The following SLC4A2 variants were observed in gnomAD, a reference collection of about 807,000 sequenced individuals.
SLC4A2 encodes the protein solute carrier family 4 member 2, also known as anion exchange protein 2.
Under a neutral mutation model 115.0 loss-of-function variants are expected in SLC4A2, and 36 were observed. The observed-to-expected ratio is 0.31, with a 90% CI of 0.24 to 0.41. The LOEUF is 0.41. Among genes scored for constraint, SLC4A2 ranks in the 10% least tolerant of loss-of-function variants. The pLI, the probability that SLC4A2 is intolerant of heterozygous loss-of-function variation, is 1.00. For synonymous variants in SLC4A2, 708 were observed against 708.3 expected (o/e 1.00, Z 0.01); for missense variants, 1,252 against 1,705.6 (o/e 0.73, Z 4.68).
chr7:151,074,340 G>T (rs761189674), intron 17 of SLC4A2, 47 bp downstream of exon 17: 1 of 1,610,432 alleles, frequency 6.2e-7, no homozygotes, highest in South Asian at 1.1e-5. Flanking sequence ...AGGAAGGGGG[G>T]TGGCAGGAAG....
Position 151,064,657 on chromosome 7 carries a change from G to A in SLC4A2, c.349G>A (p.Glu117Lys). The A allele has an allele frequency of 6.2e-7, 1 of 1,613,840 alleles. No homozygotes were observed. The highest frequency in any genetic ancestry group is 8.5e-7 in the Non-Finnish European group (1 of 1,179,858). Residue 117 changes from glutamate to lysine, a missense_variant, in exon 4 of 23, where the codon GAA (glutamate) becomes AAA (lysine). Coordinates refer to ENST00000413384, the MANE Select transcript of SLC4A2 (RefSeq NM_003040.4). ...RRRPGASPTG[E>K]TPTIEEGEED... is the part of the protein sequence containing the mutation. The stretch of plus-strand genomic sequence containing the variant: ...GCGCCCGGGAGCCTCCCCGACTGGA[G>A]AAACCCCGACCATTGAGGAGGGGGA...
rs2229550 is a variant in SLC4A2, at chr7:151,067,978, T to C, written c.1071T>C (p.Thr357=). Residue 357 remains threonine, a synonymous_variant, in exon 8 of 23, where the codon ACT becomes ACC. Coordinates refer to ENST00000413384, the MANE Select transcript of SLC4A2 (RefSeq NM_003040.4). The part of the protein sequence containing the change: ...IKFEEDVEEE[T]ERWGKPHVAS... ...TTGAAGAGGACGTGGAGGAGGAGACTGAGCGCTGGGGGAAGCCCCACGTGG... is the reference window on the plus strand; with the variant it reads ...TTGAAGAGGACGTGGAGGAGGAGACCGAGCGCTGGGGGAAGCCCCACGTGG... 0.84 allele frequency: 1,356,027 copies of C among 1,606,164 alleles called. 573,683 individuals are homozygous for C. Among genetic ancestry groups the C allele is most frequent in the East Asian group, 0.96 (42,709 of 44,384 alleles).
At position 151,070,812 on chromosome 7, in the gene SLC4A2, G is replaced by C. The variant is rs201520307; in HGVS notation, c.1650G>C (p.Pro550=). The change falls in exon 12 of 23, where the codon CCG becomes CCC. Residue 550 remains proline, a synonymous_variant. Transcript: ENST00000413384. ...AVELDAVLEV[P]VPVRFLFLLL... ...AGTTGGACGCAGTGTTGGAGGTGCC[G>C]GTGCCTGTGCGTTTCCTCTTCCTGC... is the stretch of plus-strand genomic sequence containing the variant. 3.1e-6 allele frequency: 5 copies of C among 1,613,990 alleles called. No individual in the cohort carries two copies. The South Asian group carries it at 4.4e-5, about 14-fold the overall frequency.
chr7:151,071,660 A>G lies in SLC4A2; in HGVS notation c.2192-29A>G. The G allele has an allele frequency of 6.2e-7, 1 of 1,611,970 alleles. No individual in the cohort carries two copies. The highest frequency in any genetic ancestry group is 1.1e-5 in the South Asian group (1 of 90,970). On this transcript the variant is annotated intron_variant, in intron 14 of 22. Coordinates refer to ENST00000413384, the MANE Select transcript of SLC4A2 (RefSeq NM_003040.4). This position sits in a 1 kb window ranked among gnomAD's most constrained non-coding sequence, Gnocchi z 5.5. ...GGGGACTGCCCAGGGCCTGGCCACC[A>G]GCTCCTGAGCTGGTTCCTACACCCC... is the stretch of plus-strand genomic sequence containing the variant.
At position 151,062,434 on chromosome 7, in the gene SLC4A2, A is replaced by AGG. The variant is rs1158018872; in HGVS notation, c.51+396_51+397insGG. The AGG allele has an allele frequency of 4.0e-6, 4 of 1,004,280 alleles. No homozygotes were observed. The African/African-American group carries it at 6.5e-5, about 16-fold the overall frequency. 62.2% of individuals were successfully genotyped at this position (1,004,280 alleles called of 1,614,324 possible). Reference sequence around the variant, plus strand: ...CCACGACTGGCCACGCCCCCTGCCCACGTGCCACCCAGGCCCGCCCCTCCC... The same window carrying AGG: ...CCACGACTGGCCACGCCCCCTGCCCAGGCGTGCCACCCAGGCCCGCCCCTCCC... On this transcript the variant is annotated intron_variant, in intron 2 of 22. Coordinates refer to ENST00000413384, the MANE Select transcript of SLC4A2 (RefSeq NM_003040.4).
At chr7:151,062,479 C>A (rs1227679177) in intron 2 of SLC4A2, 2 of 1,339,232 alleles carry the variant, frequency 1.5e-6, no homozygotes, top group Non-Finnish European at 1.9e-6. Context: ...GTGGCCACCG[C>A]TCCACATGGC....
In SLC4A2 at chr7:151,075,931, A is replaced by G. The variant is rs2150379935; in HGVS notation, c.3472-82A>G. ...CTCTGGCACCTAGGAATGTTCTTCC[A>G]TCCCCGCCTCCGAAGAAGAGAGAGG... On this transcript the variant is annotated intron_variant, in intron 21 of 22. Coordinates refer to ENST00000413384, the MANE Select transcript of SLC4A2 (RefSeq NM_003040.4). The G allele has an allele frequency of 3.4e-6, 5 of 1,487,610 alleles. No individual in the cohort carries two copies. The South Asian group carries it at 6.5e-5, about 19-fold the overall frequency. 92.2% of individuals were successfully genotyped at this position (1,487,610 alleles called of 1,614,324 possible).
rs771956638 is a variant in SLC4A2 at position 151,075,622 on chromosome 7, C to G, written c.3318C>G (p.Ile1106Met). The G allele has an allele frequency of 6.3e-7, 1 of 1,594,546 alleles. No individual in the cohort carries two copies. The highest frequency in any genetic ancestry group is 8.5e-7 in the Non-Finnish European group (1 of 1,173,792). ...VALLVGLSIV[I>M]GDLLRQIPLA... The stretch of plus-strand genomic sequence containing the variant: ...CTCCCGTAGGCCTCTCCATAGTTAT[C>G]GGGGATCTGCTCCGGCAGATCCCCC... The change falls in exon 21 of 23, where the codon ATC becomes ATG. Residue 1106 changes from isoleucine to methionine, a missense_variant. By Grantham distance (10) the Ile-to-Met change is conservative (BLOSUM62 1). Around this residue, in one of 14 missense-constraint regions of SLC4A2, gnomAD observed 253 missense variants for 407.4 expected, o/e 0.62. Transcript: ENST00000413384.
chr7:151,070,444 C>G lies in SLC4A2; in HGVS notation c.1450-13C>G, dbSNP rs1259542662. On this transcript the variant is annotated splice_polypyrimidine_tract_variant and intron_variant, in intron 10 of 22. Transcript: ENST00000413384. ...GGGGCCTGGCTGGGCTGAGCCCTGTCTGTGTCCCCCAGCGTGAGCTGCCGC... is the reference window on the plus strand; with the variant it reads ...GGGGCCTGGCTGGGCTGAGCCCTGTGTGTGTCCCCCAGCGTGAGCTGCCGC... 2.5e-6 allele frequency: 4 copies of G among 1,611,296 alleles called. No individual in the cohort carries two copies. The African/African-American group carries it at 4.0e-5, about 16-fold the overall frequency.
At position 151,074,740 on chromosome 7, in the gene SLC4A2, C is replaced by T. The variant is rs1040646325; in HGVS notation, c.2946C>T (p.Pro982=). 9.9e-6 allele frequency: 16 copies of T among 1,613,668 alleles called. 1 individual carries two copies. Among genetic ancestry groups the T allele is most frequent in the Middle Eastern group, 3.3e-4 (2 of 6,060 alleles). Residue 982 remains proline, a synonymous_variant, in exon 19 of 23, where the codon CCC becomes CCT. Transcript: ENST00000413384. ...APEKRGWVIN[P]LGEKSPFPVW... is the part of the protein sequence containing the mutation. ...AAAAGAGGGGCTGGGTCATCAACCC[C>T]CTGGGAGAGAAGAGCCCCTTCCCTG...
rs935664514 is a variant in SLC4A2, at chr7:151,060,059, C to A, written c.-64+297C>A. On this transcript the variant is annotated intron_variant, in intron 1 of 22. Transcript: ENST00000413384. The surrounding 1 kb of genome is among the most constrained non-coding windows in gnomAD (Gnocchi z 5.9). ...AGGCGCCGCCGGCCCTCCCACTCCC[C>A]GGCTGGCTCCAGACCACCCCTCCCC... 6.6e-6 allele frequency: 1 copy of A among 152,174 alleles called. No individual in the cohort carries two copies. The highest frequency in any genetic ancestry group is 1.5e-5 in the Non-Finnish European group (1 of 68,058). 9.4% of individuals were successfully genotyped at this position (152,174 alleles called of 1,614,324 possible). A position where few individuals can be genotyped will look rare whatever the true frequency, so the allele number is the denominator to read the frequency against.
intron 5 of SLC4A2, among the ~76,000 whole-genome samples, 163 bp downstream of exon 5, chr7:151,065,129 C>T (rs749653217): frequency 1.3e-5 from 2 of 152,208 alleles, no homozygotes; most frequent in Non-Finnish European, 2.9e-5. Flanking sequence ...GCTCTCCAAG[C>T]CCCAGGTTCC....
chr7:151,064,484 G>A (rs1797159966), intron 3 of SLC4A2, 42 bp from the exon 4 acceptor site: 14 of 1,588,460 alleles, frequency 8.8e-6, no homozygotes, highest in Non-Finnish European at 1.1e-5. Context: ...GCAGGGGAGG[G>A]ACACTGTGCC....
At chr7:151,064,100 G>T in intron 2 of SLC4A2, 102 bp from the exon 3 acceptor site, 1 of 1,198,270 alleles carries the variant, frequency 8.3e-7, no homozygotes. Flanking sequence ...ATAGCTGCTG[G>T]CGGGGGAGGG....
rs539129644 is a variant in SLC4A2 at position 151,075,388 on chromosome 7, T to A, written c.3181T>A (p.Ser1061Thr). 1.2e-6 allele frequency: 2 copies of A among 1,611,286 alleles called. No individual in the cohort carries two copies. The highest frequency in any genetic ancestry group is 4.5e-5 in the East Asian group (2 of 44,878). The change falls in exon 20 of 23, where the codon TCT becomes ACT. Residue 1061 changes from serine to threonine, a missense_variant. Physicochemically the swap from Ser to Thr is moderately conservative, Grantham distance 58. This residue lies in a region of SLC4A2 where 253 missense variants were observed against 407.4 expected (regional missense o/e 0.62). Transcript: ENST00000413384. ...LPWLAAATVRSVTHANALTVM... is the reference protein window; with the variant it reads ...LPWLAAATVRTVTHANALTVM... Reference sequence around the variant, plus strand: ...CTGGTTGGCTGCTGCCACTGTCCGCTCTGTCACTCACGCCAACGCGCTCAC... The same window carrying A: ...CTGGTTGGCTGCTGCCACTGTCCGCACTGTCACTCACGCCAACGCGCTCAC...
chr7:151,064,500 C>T, intron 3 of SLC4A2, 26 bp from the exon 4 acceptor site: 2 of 1,597,348 alleles, frequency 1.3e-6, no homozygotes, highest in Non-Finnish European at 1.7e-6. Flanking sequence ...GTGCCTGCCA[C>T]AGCCAAGTCC....
chr7:151,063,412 G>A (rs1029449406), intron 2 of SLC4A2, among the ~76,000 whole-genome samples: 1 of 152,216 alleles, frequency 6.6e-6, no homozygotes, highest in African/African-American at 2.4e-5. Flanking sequence ...GCCAACTGGA[G>A]TTTCTTCACT....
At position 151,076,287 on chromosome 7, in the gene SLC4A2, C is replaced by T. The variant is rs767892120; in HGVS notation, c.3646C>T (p.Leu1216=). Residue 1216 remains leucine, a splice_region_variant and synonymous_variant, in exon 23 of 23, where the codon CTG becomes TTG. Transcript: ENST00000413384. The stretch of plus-strand genomic sequence containing the variant: ...TTGACCGCCACCTCCCCACACACAG[C>T]TGGATGCTAACGAGGCAGAGCCGGT... The part of the protein sequence containing the change: ...RIFTDREMKC[L]DANEAEPVFD... 1 of 1,564,676 alleles carries T rather than the reference C, an allele frequency of 6.4e-7. No individual in the cohort carries two copies. The highest frequency in any genetic ancestry group is 2.2e-5 in the East Asian group (1 of 44,482).
rs1250840389 is a variant in SLC4A2, at chr7:151,066,452, C to G, written c.579-65C>G. 2.8e-6 allele frequency: 4 copies of G among 1,442,360 alleles called. No homozygotes were observed. The African/African-American group carries it at 5.7e-5, about 21-fold the overall frequency. The allele number at this position is 1,442,360 out of a possible 1,614,324, so 89.3% of individuals were successfully genotyped here. ...GGGTCCCCTCCCTGGCTACCGCCTG[C>G]GTGGGTGCTGGGCGTGGGGGAGGAG... On this transcript the variant is annotated intron_variant, in intron 5 of 22. Transcript: ENST00000413384.
Sources: allele counts gnomAD v4.1 joint callset (sites outside exome capture counted in the v4.1 genomes callset), GRCh38; gene constraint gnomAD v4.1.1; regional missense constraint gnomAD v4.1.1; non-coding constraint Gnocchi (gnomAD v3.1); transcripts MANE v1.5; gene names NCBI Gene and HGNC (gene_info 2026-07-23, HGNC 2026-07-21).